RANBP2: variants seen among roughly 807,000 people sequenced by gnomAD.
RANBP2 encodes E3 SUMO-protein ligase RanBP2.
Under a neutral mutation model 303.6 loss-of-function variants are expected in RANBP2, and 57 were observed. The ratio of observed to expected loss-of-function variants is 0.19; its 90% CI spans 0.15 to 0.23. RANBP2 has a LOEUF of 0.23. Ranked by LOEUF, RANBP2 falls within the 10% of genes least tolerant of loss-of-function variation. RANBP2 has a pLI of 1.00. For synonymous variants in RANBP2, 1,167 were observed against 1,301.5 expected (o/e 0.90, Z 2.23); for missense variants, 3,138 against 3,780.8 (o/e 0.83, Z 4.46).
At chr2:109,404,001 T>A in the RANBP2 span, among the ~76,000 whole-genome samples, 1 of 152,220 alleles carries the variant, frequency 6.6e-6, no homozygotes, top group Admixed American at 6.5e-5. Context: ...AATCAGGGAA[T>A]GAATCACCAG....
the RANBP2 span, among the ~76,000 whole-genome samples, chr2:109,514,432 A>G: frequency 2.0e-5 from 3 of 152,294 alleles, no homozygotes; most frequent in South Asian, 2.1e-4. Flanking sequence ...ATGACTGTGC[A>G]CAGCTCAGAC....
At chr2:109,241,591 G>A in the RANBP2 span, among the ~76,000 whole-genome samples, 1 of 152,052 alleles carries the variant, frequency 6.6e-6, no homozygotes, top group African/African-American at 2.4e-5. Flanking sequence ...AGGCATTGAG[G>A]TTTGGCTTGG....
At chr2:109,206,347 C>T in the RANBP2 span, among the ~76,000 whole-genome samples, 168 of 151,814 alleles carry the variant, frequency 1.1e-3, no homozygotes, top group African/African-American at 3.9e-3. Flanking sequence ...AAAAATTTGC[C>T]GGGCTTGGTG....
the RANBP2 span, among the ~76,000 whole-genome samples, chr2:109,219,953 G>T: frequency 6.6e-6 from 1 of 152,178 alleles, no homozygotes; most frequent in African/African-American, 2.4e-5. Context: ...AATCTCAAGG[G>T]ACCCCAAATA....
At chr2:109,134,039 T>A in the RANBP2 span, among the ~76,000 whole-genome samples, 2 of 152,130 alleles carry the variant, frequency 1.3e-5, no homozygotes, top group Non-Finnish European at 2.9e-5. Context: ...GTTCTTTGGG[T>A]CTCGACAGTT....
chr2:109,740,287 A>G, the RANBP2 span, among the ~76,000 whole-genome samples: 15 of 151,932 alleles, frequency 9.9e-5, no homozygotes, highest in Admixed American at 8.5e-4. Flanking sequence ...GCGCCCGGCC[A>G]AGAAGACACA....
At chr2:109,170,329 C>CCT in the RANBP2 span, among the ~76,000 whole-genome samples, 2 of 144,438 alleles carry the variant, frequency 1.4e-5, no homozygotes, top group African/African-American at 5.2e-5. Context: ...CTCTCTCTCT[C>CCT]CTCTCTCTCT....
chr2:109,675,886 AG>A, the RANBP2 span, among the ~76,000 whole-genome samples: 1 of 152,040 alleles, frequency 6.6e-6, no homozygotes, highest in Non-Finnish European at 1.5e-5. Flanking sequence ...TGTGTCTGGG[AG>A]GGCCCAGAGA....
chr2:109,403,357 G>T, the RANBP2 span, among the ~76,000 whole-genome samples: 1 of 152,124 alleles, frequency 6.6e-6, no homozygotes, highest in Non-Finnish European at 1.5e-5. Context: ...CAGCTTCCCC[G>T]ACTGTGTGGC....
At chr2:109,022,690 C>G in the RANBP2 span, among the ~76,000 whole-genome samples, 64,078 of 151,974 alleles carry the variant, frequency 0.42, 15,740 homozygotes, top group East Asian at 0.65. Context: ...AAAAGCCTAG[C>G]CTTCGTCACT....
the RANBP2 span, among the ~76,000 whole-genome samples, chr2:109,608,001 G>A: frequency 6.6e-6 from 1 of 152,218 alleles, no homozygotes; most frequent in Non-Finnish European, 1.5e-5. Flanking sequence ...TTCTGAAGCC[G>A]TGACTCATTC....
At position 108,783,933 on chromosome 2, in the gene RANBP2, T is replaced by A; in HGVS notation, c.*32T>A. 6.4e-7 allele frequency: 1 copy of A among 1,564,098 alleles called. No homozygotes were observed. The highest frequency in any genetic ancestry group is 8.8e-7 in the Non-Finnish European group (1 of 1,136,398). On this transcript the variant is annotated 3_prime_UTR_variant, in exon 29 of 29. Coordinates refer to ENST00000283195, the MANE Select transcript of RANBP2 (RefSeq NM_006267.5). ...TGTTGTTCATAGAAAATTTCATCTG[T>A]ATAAGCAGTTGGATTGAAGCTTAGC...
chr2:109,091,886 CTGTT>C, the RANBP2 span, among the ~76,000 whole-genome samples: 1 of 151,986 alleles, frequency 6.6e-6, no homozygotes, highest in Non-Finnish European at 1.5e-5. Context: ...TGTGGGATGT[CTGTT>C]TGTAGCTCCA....
the RANBP2 span, among the ~76,000 whole-genome samples, chr2:109,771,688 GT>G: frequency 6.2e-5 from 1 of 16,166 alleles, no homozygotes; most frequent in African/African-American, 4.4e-4. Flanking sequence ...GGGTATGTTG[GT>G]TTCTAATAGT....
At chr2:109,413,227 G>T in the RANBP2 span, among the ~76,000 whole-genome samples, 1 of 152,190 alleles carries the variant, frequency 6.6e-6, no homozygotes. Context: ...CGATTCTCCT[G>T]CCTGAGCCTC....
chr2:109,368,298 G>A, the RANBP2 span, among the ~76,000 whole-genome samples: 1 of 152,022 alleles, frequency 6.6e-6, no homozygotes, highest in African/African-American at 2.4e-5. Flanking sequence ...TTTTGCTGTA[G>A]CCAAATCTTT....
At chr2:108,924,207 C>T in the RANBP2 span, among the ~76,000 whole-genome samples, 10 of 152,220 alleles carry the variant, frequency 6.6e-5, no homozygotes, top group South Asian at 2.1e-4. Flanking sequence ...TTCAGCTCCC[C>T]GATGTCACAG....
the RANBP2 span, among the ~76,000 whole-genome samples, chr2:109,513,817 G>A: frequency 6.6e-6 from 1 of 152,142 alleles, no homozygotes; most frequent in Non-Finnish European, 1.5e-5. Context: ...AGGGGATTGG[G>A]TATCACCAGC....
chr2:109,580,303 C>T, the RANBP2 span, among the ~76,000 whole-genome samples: 1 of 149,228 alleles, frequency 6.7e-6, no homozygotes, highest in African/African-American at 2.5e-5. Flanking sequence ...TCTAACTCAC[C>T]TTACTAAAGA....
Sources: gnomAD v4.1 joint callset for allele counts (sites outside exome capture counted in the v4.1 genomes callset) on GRCh38, gnomAD v4.1.1 for gene constraint, MANE v1.5 for transcripts, NCBI Gene and HGNC (gene_info 2026-07-23, HGNC 2026-07-21) for gene names.